GRAMD1B: variants seen among roughly 807,000 people sequenced by gnomAD.
The protein encoded by GRAMD1B is protein Aster-B.
GRAMD1B carries 37 observed loss-of-function variants against 99.7 expected under a neutral mutation model. The ratio of observed to expected loss-of-function variants is 0.37; its 90% CI spans 0.29 to 0.49. The LOEUF (loss-of-function observed/expected upper bound fraction) is 0.49. Ranked by LOEUF, GRAMD1B falls within the 20% of genes least tolerant of loss-of-function variation. The pLI is 0.98. For missense variants in GRAMD1B, 888 were observed against 1,009.2 expected, an observed-to-expected ratio of 0.88 and a Z score of 1.63; for synonymous variants, 427 against 387.6, an observed-to-expected ratio of 1.10 and a Z score of -1.19.
intron 7 of GRAMD1B, chr11:123,598,640 T>G (rs1951580305): frequency 7.6e-7 from 1 of 1,313,072 alleles, no homozygotes; most frequent in Non-Finnish European, 1.1e-6. Flanking sequence ...CACATTTCAG[T>G]CCTAAAGCTA....
chr11:123,541,704 GT>G (rs1944550496), intron 2 of GRAMD1B, among the ~76,000 whole-genome samples: 1 of 151,988 alleles, frequency 6.6e-6, no homozygotes, highest in African/African-American at 2.4e-5. Context: ...GCCTATATAA[GT>G]TTGTTGGTTT....
At chr11:123,442,861 C>T (rs920155738) in intron 1 of GRAMD1B, among the ~76,000 whole-genome samples, 12 of 151,574 alleles carry the variant, frequency 7.9e-5, no homozygotes, top group Non-Finnish European at 1.6e-4. Context: ...ATTTATGCCC[C>T]CCCCCACCCC....
chr11:123,430,134 G>A (rs372742093), upstream of GRAMD1B, among the ~76,000 whole-genome samples: 495 of 152,224 alleles, frequency 3.3e-3, 2 homozygotes, highest in African/African-American at 0.011. Flanking sequence ...CCCTCCCCGA[G>A]GGAATCCGTG....
intron 17 of GRAMD1B, 48 bp downstream of exon 17, chr11:123,614,883 C>A: frequency 9.1e-7 from 1 of 1,094,796 alleles, no homozygotes; most frequent in Non-Finnish European, 1.4e-6. Flanking sequence ...CCTTCCCTTT[C>A]CAGCCTGGTG....
At chr11:123,375,943 A>G (rs1032459596) in intron 1 of GRAMD1B, among the ~76,000 whole-genome samples, 2 of 148,982 alleles carry the variant, frequency 1.3e-5, no homozygotes, top group Non-Finnish European at 3.0e-5. Flanking sequence ...GAAAAGGTAG[A>G]TTTTTTTTTT....
At chr11:123,608,488 C>G (rs1953044915) in intron 11 of GRAMD1B, 171 bp from the exon 12 acceptor site, 2 of 1,524,796 alleles carry the variant, frequency 1.3e-6, no homozygotes, top group African/African-American at 1.4e-5. Flanking sequence ...AGACCGAAAG[C>G]AAAGTCATAA....
At chr11:123,549,942 A>G (rs1945448330) in intron 2 of GRAMD1B, among the ~76,000 whole-genome samples, 2 of 152,150 alleles carry the variant, frequency 1.3e-5, no homozygotes, top group Admixed American at 1.3e-4. Flanking sequence ...ATGGGCACCA[A>G]GAAAAGATGT....
chr11:123,613,366 C>G, intron 15 of GRAMD1B, 89 bp from the exon 16 acceptor site: 5 of 1,015,252 alleles, frequency 4.9e-6, no homozygotes, highest in Non-Finnish European at 7.3e-6. Context: ...AACCAACTTC[C>G]CAGAATACAG....
chr11:123,379,174 G>C (rs1001703877), intron 1 of GRAMD1B, among the ~76,000 whole-genome samples: 8 of 152,230 alleles, frequency 5.3e-5, no homozygotes, highest in Non-Finnish European at 1.2e-4. Context: ...GCATAGGTTA[G>C]AAGGGAGAGA....
intron 4 of GRAMD1B, among the ~76,000 whole-genome samples, chr11:123,585,577 C>A (rs533252604): frequency 6.6e-6 from 1 of 152,316 alleles, no homozygotes; most frequent in South Asian, 2.1e-4. Flanking sequence ...CTACTTCTAT[C>A]TCTGAGCCAC....
intron 2 of GRAMD1B, among the ~76,000 whole-genome samples, chr11:123,572,733 AG>A (rs1193063377): frequency 6.6e-6 from 1 of 152,202 alleles, no homozygotes; most frequent in Non-Finnish European, 1.5e-5. Context: ...GTATGGCAAA[AG>A]GATCTGCAGA....
chr11:123,445,807 A>ACACTTGT (rs1949611612), intron 1 of GRAMD1B, among the ~76,000 whole-genome samples: 1 of 132,132 alleles, frequency 7.6e-6, no homozygotes, highest in Admixed American at 8.0e-5. Context: ...GAACAGAGTG[A>ACACTTGT]CACTTGTCTC....
chr11:123,599,895 T>G (rs934684870), intron 7 of GRAMD1B, among the ~76,000 whole-genome samples: 4 of 152,220 alleles, frequency 2.6e-5, no homozygotes, highest in Non-Finnish European at 4.4e-5. Flanking sequence ...TTTGTGTGGT[T>G]TAAGTGAAAT....
intron 1 of GRAMD1B, among the ~76,000 whole-genome samples, chr11:123,373,437 G>A (rs753109069): frequency 5.9e-5 from 9 of 152,148 alleles, no homozygotes; most frequent in African/African-American, 9.7e-5. Flanking sequence ...GAACTCTGGC[G>A]TTCCCTTTCA....
At chr11:123,608,483 G>C in intron 11 of GRAMD1B, 176 bp from the exon 12 acceptor site, 2 of 1,523,944 alleles carry the variant, frequency 1.3e-6, no homozygotes, top group Non-Finnish European at 1.8e-6. Context: ...GAAAGAGACC[G>C]AAAGCAAAGT....
intron 8 of GRAMD1B, among the ~76,000 whole-genome samples, chr11:123,601,515 ATGTGTGTGTGTG>A (rs4063751): frequency 3.4e-5 from 5 of 148,806 alleles, no homozygotes; most frequent in East Asian, 4.0e-4. Context: ...ATTAATTTTT[ATGTGTGTGTGTG>A]TGTGTGTGTG....
At chr11:123,457,783 C>G (rs1950226957) in intron 1 of GRAMD1B, among the ~76,000 whole-genome samples, 1 of 152,188 alleles carries the variant, frequency 6.6e-6, no homozygotes, top group African/African-American at 2.4e-5. Flanking sequence ...CTGGTGCAAT[C>G]ACGCTTACTG....
At chr11:123,457,117 A>AGAAAGAAAGAAAGAAAAGAAAGAAAG in intron 1 of GRAMD1B, among the ~76,000 whole-genome samples, 1 of 99,498 alleles carries the variant, frequency 1.0e-5, no homozygotes, top group Admixed American at 1.2e-4. Flanking sequence ...TTCTGAGAAA[A>AGAAAGAAAGAAAGAAAAGAAAGAAAG]AAAGAAAGAA....
chr11:123,410,192 T>G lies in GRAMD1B; in HGVS notation c.-176+51393T>G, dbSNP rs191526064. ...ATTTTGGGACAAGAAAAAAGGAGCT[T>G]ATAAAAGCAAAAACAAAAACAAAAA... On this transcript the variant is annotated intron_variant, in intron 1 of 20. Transcript: ENST00000638157. Among the ~76,000 whole-genome samples, 950 of 150,380 alleles carry G rather than the reference T, an allele frequency of 6.3e-3. 7 individuals are homozygous for G. Among genetic ancestry groups the G allele is most frequent in the Middle Eastern group, 0.021 (6 of 288 alleles).
Sources: allele counts gnomAD v4.1 joint callset (sites outside exome capture counted in the v4.1 genomes callset), GRCh38; gene constraint gnomAD v4.1.1; transcripts MANE v1.5; gene names NCBI Gene and HGNC (gene_info 2026-07-23, HGNC 2026-07-21).